Variants in PCDH15 observed in about 807,000 individuals in gnomAD.
PCDH15 encodes the protein protocadherin related 15.
PCDH15 carries 129 observed loss-of-function variants against 178.5 expected under a neutral mutation model. The ratio of observed to expected loss-of-function variants is 0.72; its 90% CI spans 0.63 to 0.84. The LOEUF (loss-of-function observed/expected upper bound fraction) is 0.84. Among genes scored for constraint, PCDH15 ranks in the 40% least tolerant of loss-of-function variants. PCDH15 has a pLI of 0.00. For synonymous variants in PCDH15, 800 were observed against 732.0 expected (o/e 1.09, Z -1.50); for missense variants, 2,230 against 2,099.9 (o/e 1.06, Z -1.21).
intron 2 of PCDH15, among the ~76,000 whole-genome samples, chr10:55,433,073 T>A (rs1199523972): frequency 6.6e-6 from 1 of 151,920 alleles, no homozygotes; most frequent in Non-Finnish European, 1.5e-5. Flanking sequence ...AGAAGTAGCA[T>A]TCGACCCAGC....
At chr10:55,036,754 T>C (rs1316622329) in intron 2 of PCDH15, among the ~76,000 whole-genome samples, 1 of 152,200 alleles carries the variant, frequency 6.6e-6, no homozygotes, top group Non-Finnish European at 1.5e-5. Flanking sequence ...CAAAAACATA[T>C]CGTATATTTA....
At chr10:54,921,758 A>G (rs1218382809) in intron 2 of PCDH15, among the ~76,000 whole-genome samples, 5 of 152,150 alleles carry the variant, frequency 3.3e-5, no homozygotes, top group African/African-American at 1.2e-4. Context: ...TAGAACTGGC[A>G]TAAAAAAACT....
At chr10:54,243,820 T>C (rs2055653756) in intron 8 of PCDH15, among the ~76,000 whole-genome samples, 1 of 152,228 alleles carries the variant, frequency 6.6e-6, no homozygotes, top group Non-Finnish European at 1.5e-5. Context: ...CCTGGTGAGA[T>C]TATTTTAAAA....
chr10:53,926,818 CAATT>C (rs60031344), intron 25 of PCDH15, among the ~76,000 whole-genome samples: 2,341 of 152,226 alleles, frequency 0.015, 67 homozygotes, highest in African/African-American at 0.054. Context: ...TCTTGTATAT[CAATT>C]AGTCATGTAC....
intron 2 of PCDH15, among the ~76,000 whole-genome samples, chr10:54,636,141 A>C (rs112879850): frequency 3.9e-5 from 6 of 152,092 alleles, no homozygotes; most frequent in African/African-American, 1.2e-4. Flanking sequence ...TCCTAGTATT[A>C]ATATTTTAAT....
chr10:53,970,323 A>G (rs982742908), intron 21 of PCDH15, among the ~76,000 whole-genome samples: 8 of 152,182 alleles, frequency 5.3e-5, no homozygotes, highest in African/African-American at 1.9e-4. Context: ...TCCTAAATAT[A>G]TATGCACCCA....
At chr10:54,663,846 T>C (rs999629069) in intron 2 of PCDH15, among the ~76,000 whole-genome samples, 2 of 151,944 alleles carry the variant, frequency 1.3e-5, no homozygotes, top group Non-Finnish European at 2.9e-5. Context: ...TGTTTGCATA[T>C]ATTCAAAGGT....
intron 1 of PCDH15, among the ~76,000 whole-genome samples, chr10:55,174,272 G>C (rs535198604): frequency 6.6e-6 from 1 of 152,070 alleles, no homozygotes; most frequent in Non-Finnish European, 1.5e-5. Flanking sequence ...AAGGACTCAG[G>C]GTCCCCACTG....
chr10:54,115,212 G>T (rs897516222), intron 15 of PCDH15, among the ~76,000 whole-genome samples: 1 of 152,142 alleles, frequency 6.6e-6, no homozygotes, highest in African/African-American at 2.4e-5. Flanking sequence ...TGTGGATAAA[G>T]AGAAAGGTCA....
At chr10:55,035,170 C>A (rs1840703907) in intron 2 of PCDH15, among the ~76,000 whole-genome samples, 1 of 151,126 alleles carries the variant, frequency 6.6e-6, no homozygotes, top group Non-Finnish European at 1.5e-5. Context: ...GAACTCTGAT[C>A]TTCATTTAAA....
At chr10:54,036,613 G>C (rs947920892) in intron 18 of PCDH15, among the ~76,000 whole-genome samples, 1 of 151,802 alleles carries the variant, frequency 6.6e-6, no homozygotes, top group Non-Finnish European at 1.5e-5. Flanking sequence ...AAACATTACT[G>C]CTCATTGAGA....
intron 2 of PCDH15, among the ~76,000 whole-genome samples, chr10:55,535,825 C>A (rs1424366595): frequency 6.6e-6 from 1 of 151,966 alleles, no homozygotes; most frequent in African/African-American, 2.4e-5. Flanking sequence ...TGTTTCCACT[C>A]TATTTAGGGA....
At chr10:55,626,178 T>TA (rs112978917) in intron 2 of PCDH15, among the ~76,000 whole-genome samples, 8,668 of 151,060 alleles carry the variant, frequency 0.057, 547 homozygotes, top group East Asian at 0.31. Flanking sequence ...AATAAATAAA[T>TA]AAATAAAATA....
intron 2 of PCDH15, among the ~76,000 whole-genome samples, chr10:54,941,721 C>G (rs2131864207): frequency 6.6e-6 from 1 of 152,208 alleles, no homozygotes; most frequent in Admixed American, 6.5e-5. Flanking sequence ...AATCTGCATA[C>G]TGATTCCCTG....
chr10:54,079,056 G>A (rs1316048264), intron 17 of PCDH15, among the ~76,000 whole-genome samples: 6 of 152,158 alleles, frequency 3.9e-5, no homozygotes, highest in Admixed American at 2.6e-4. Context: ...TGGAATACCT[G>A]TTAGAATAAA....
At chr10:54,933,174 T>C (rs766167542) in intron 2 of PCDH15, among the ~76,000 whole-genome samples, 1 of 150,884 alleles carries the variant, frequency 6.6e-6, no homozygotes, top group Non-Finnish European at 1.5e-5. Context: ...GTAAGTACAC[T>C]CTATGATGTT....
At chr10:54,409,215 C>T (rs192901835) in intron 3 of PCDH15, among the ~76,000 whole-genome samples, 65 of 152,248 alleles carry the variant, frequency 4.3e-4, no homozygotes, top group Admixed American at 1.0e-3. Context: ...TTTTGTAAAT[C>T]GTCCAGTCTC....
In PCDH15 at chr10:55,501,428, A is replaced by AAT. The variant is rs555681055; in HGVS notation, c.-156+126195_-156+126196dup. On this transcript the variant is annotated intron_variant, in intron 2 of 5. Coordinates refer to the PCDH15 transcript ENST00000613346. Reference sequence around the variant, plus strand: ...GGGACTATTTAAAAATCATTCAAATAATAGCATTGGATAGTGATTATGTAT... The same window carrying AAT: ...GGGACTATTTAAAAATCATTCAAATAATATAGCATTGGATAGTGATTATGTAT... Among the ~76,000 whole-genome samples the AAT allele has an allele frequency of 1.2e-3, 186 of 151,782 alleles. 2 individuals carry two copies. The highest frequency in any genetic ancestry group is 4.3e-3 in the African/African-American group (177 of 41,476).
chr10:55,470,110 G>C (rs2132105781), intron 2 of PCDH15, among the ~76,000 whole-genome samples: 1 of 152,048 alleles, frequency 6.6e-6, no homozygotes, highest in African/African-American at 2.4e-5. Context: ...CAGAACTTTG[G>C]GAGGCTGAGG....
Sources: gnomAD v4.1 joint callset for allele counts (sites outside exome capture counted in the v4.1 genomes callset) on GRCh38, gnomAD v4.1.1 for gene constraint, MANE v1.5 for transcripts, NCBI Gene and HGNC (gene_info 2026-07-23, HGNC 2026-07-21) for gene names.